The following LEKR1 variants were observed in gnomAD, a reference collection of about 807,000 sequenced individuals.
The protein encoded by LEKR1 is protein LEKR1.
A neutral mutation model predicts 72.4 loss-of-function variants in LEKR1; 59 were observed. The ratio of observed to expected loss-of-function variants is 0.82; its 90% CI spans 0.66 to 1.01. The LOEUF (loss-of-function observed/expected upper bound fraction) is 1.01, where lower values mean the gene tolerates loss of function less well. Among genes scored for constraint, LEKR1 ranks in the 50% least tolerant of loss-of-function variants. LEKR1 has a pLI of 0.00. For synonymous variants in LEKR1, 257 were observed against 263.2 expected, an observed-to-expected ratio of 0.98 and a Z score of 0.23; for missense variants, 728 against 759.2, an observed-to-expected ratio of 0.96 and a Z score of 0.48.
chr3:156,908,875 T>C (rs1722809438), intron 3 of LEKR1, among the ~76,000 whole-genome samples: 1 of 152,188 alleles, frequency 6.6e-6, no homozygotes, highest in South Asian at 2.1e-4. Context: ...CATTTACATC[T>C]TGGTACTTGA....
chr3:156,836,391 C>G (rs1713145979), intron 2 of LEKR1, among the ~76,000 whole-genome samples: 1 of 151,496 alleles, frequency 6.6e-6, no homozygotes, highest in Non-Finnish European at 1.5e-5. Context: ...AGAAACAATT[C>G]AGCCAACCAA....
At chr3:156,915,215 A>G (rs1723514121) in intron 3 of LEKR1, among the ~76,000 whole-genome samples, 1 of 152,182 alleles carries the variant, frequency 6.6e-6, no homozygotes, top group Non-Finnish European at 1.5e-5. Flanking sequence ...CAGTGAACAT[A>G]CGCATGCAAA....
chr3:156,870,950 TC>T (rs1416358845), intron 3 of LEKR1, among the ~76,000 whole-genome samples: 8 of 152,086 alleles, frequency 5.3e-5, no homozygotes, highest in Admixed American at 3.3e-4. Flanking sequence ...TGTCCTTCAT[TC>T]TTTTTTTTAT....
intron 2 of LEKR1, chr3:156,851,233 G>A (rs1715317864): frequency 6.6e-6 from 1 of 152,200 alleles, no homozygotes. Flanking sequence ...GACATGGAGT[G>A]TTCCTGATAG....
intron 2 of LEKR1, among the ~76,000 whole-genome samples, chr3:156,830,042 CACTT>C (rs984477557): frequency 4.5e-4 from 68 of 152,142 alleles, no homozygotes; most frequent in African/African-American, 1.5e-3. Flanking sequence ...TGCACACAGA[CACTT>C]AAGAAACTAC....
intron 6 of LEKR1, among the ~76,000 whole-genome samples, chr3:156,944,774 T>A: frequency 6.6e-6 from 1 of 151,844 alleles, no homozygotes; most frequent in African/African-American, 2.4e-5. Flanking sequence ...CTGAATAGTA[T>A]TCCATTGTGT....
chr3:156,849,371 T>A (rs1715043521), intron 2 of LEKR1, among the ~76,000 whole-genome samples: 1 of 152,198 alleles, frequency 6.6e-6, no homozygotes, highest in South Asian at 2.1e-4. Flanking sequence ...CCCATCAAGC[T>A]ACTAATGACT....
chr3:157,004,849 A>C (rs1052010757), intron 9 of LEKR1, among the ~76,000 whole-genome samples: 1 of 152,070 alleles, frequency 6.6e-6, no homozygotes, highest in African/African-American at 2.4e-5. Flanking sequence ...TCTATGTGAA[A>C]AAAGAAAAAA....
intron 3 of LEKR1, among the ~76,000 whole-genome samples, chr3:156,910,504 G>C (rs1002733247): frequency 2.0e-5 from 3 of 152,184 alleles, no homozygotes; most frequent in African/African-American, 7.2e-5. Flanking sequence ...GTTGGGTACT[G>C]TGGTCAGCAC....
At chr3:156,973,493 T>C (rs1242518177) in intron 6 of LEKR1, among the ~76,000 whole-genome samples, 1 of 152,102 alleles carries the variant, frequency 6.6e-6, no homozygotes, top group Non-Finnish European at 1.5e-5. Flanking sequence ...TTAGAGTGAA[T>C]CTAAGATTAA....
At position 156,839,176 on chromosome 3, in the gene LEKR1, C is replaced by T. The variant is rs1560015067; in HGVS notation, c.48+9799C>T. 3.9e-5 allele frequency among the ~76,000 whole-genome samples: 6 copies of T among 152,266 alleles called. No homozygotes were observed. In the South Asian group the frequency reaches 1.2e-3, roughly 32 times the overall value. ...ATCTATAAAACTGCTAATCTCTAGCCTTGATGGGAAAAGATAAACATCAGG... is the reference window on the plus strand; with the variant it reads ...ATCTATAAAACTGCTAATCTCTAGCTTTGATGGGAAAAGATAAACATCAGG... On this transcript the variant is annotated intron_variant, in intron 2 of 12. Transcript: ENST00000356539.
chr3:156,909,041 A>C (rs1010485305), intron 3 of LEKR1, among the ~76,000 whole-genome samples: 1 of 152,118 alleles, frequency 6.6e-6, no homozygotes, highest in African/African-American at 2.4e-5. Flanking sequence ...AATAAGTCTC[A>C]TGAGAGCTGA....
At chr3:156,960,287 T>C (rs1431132612) in intron 6 of LEKR1, among the ~76,000 whole-genome samples, 2 of 152,120 alleles carry the variant, frequency 1.3e-5, no homozygotes, top group African/African-American at 2.4e-5. Context: ...GTTTGGTTGG[T>C]TGGTTGGTTT....
chr3:156,876,384 T>C (rs1718583456), intron 3 of LEKR1, among the ~76,000 whole-genome samples: 1 of 152,204 alleles, frequency 6.6e-6, no homozygotes, highest in Non-Finnish European at 1.5e-5. Context: ...GATGGTACTT[T>C]GATAGAAATT....
At chr3:156,914,706 A>C (rs1723433659) in intron 3 of LEKR1, among the ~76,000 whole-genome samples, 1 of 152,120 alleles carries the variant, frequency 6.6e-6, no homozygotes, top group Admixed American at 6.6e-5. Context: ...TTATCTATGA[A>C]GGCCTCTCTT....
intron 6 of LEKR1, among the ~76,000 whole-genome samples, chr3:156,961,614 T>G (rs1327498285): frequency 1.3e-5 from 2 of 152,212 alleles, no homozygotes; most frequent in Non-Finnish European, 2.9e-5. Context: ...CTGCATTCCT[T>G]AATTAGTAGC....
intron 3 of LEKR1, among the ~76,000 whole-genome samples, chr3:156,863,948 C>T (rs1451789988): frequency 2.0e-5 from 3 of 152,004 alleles, no homozygotes; most frequent in Non-Finnish European, 4.4e-5. Context: ...GTTGACAGAA[C>T]TGTTAGGGAA....
intron 12 of LEKR1, among the ~76,000 whole-genome samples, chr3:157,043,746 A>G (rs1735547423): frequency 6.6e-6 from 1 of 152,224 alleles, no homozygotes. Context: ...TGTTTCCACT[A>G]GAGTTAATGA....
intron 10 of LEKR1, among the ~76,000 whole-genome samples, chr3:157,021,323 C>T (rs1360891127): frequency 6.6e-6 from 1 of 151,746 alleles, no homozygotes; most frequent in African/African-American, 2.4e-5. Flanking sequence ...GTTGCCATTG[C>T]TTTTGGTGTT....
Sources: allele counts gnomAD v4.1 joint callset (sites outside exome capture counted in the v4.1 genomes callset), GRCh38; gene constraint gnomAD v4.1.1; transcripts MANE v1.5; gene names NCBI Gene and HGNC (gene_info 2026-07-23, HGNC 2026-07-21).